Variants in ASAP1 observed in about 807,000 individuals in gnomAD.
ASAP1 encodes the protein ArfGAP with SH3 domain, ankyrin repeat and PH domain 1, also known as arf-GAP with SH3 domain, ANK repeat and PH domain-containing protein 1.
Under a neutral mutation model 145.2 loss-of-function variants are expected in ASAP1, and 43 were observed. The ratio of observed to expected loss-of-function variants is 0.30; its 90% CI spans 0.23 to 0.38. ASAP1 has a LOEUF of 0.38. Ranked by LOEUF, ASAP1 falls within the 10% of genes least tolerant of loss-of-function variation. ASAP1 has a pLI of 1.00. For missense variants in ASAP1, 1,018 were observed against 1,355.3 expected, an observed-to-expected ratio of 0.75 and a Z score of 3.91; for synonymous variants, 546 against 515.5, an observed-to-expected ratio of 1.06 and a Z score of -0.80.
chr8:130,362,843 C>A (rs1324936288), intron 2 of ASAP1, among the ~76,000 whole-genome samples: 72 of 151,918 alleles, frequency 4.7e-4, no homozygotes, highest in Non-Finnish European at 1.5e-4. Context: ...TAAGTTAAGA[C>A]CAACTCACTA....
At chr8:130,063,802 G>A (rs1369588926) in intron 27 of ASAP1, among the ~76,000 whole-genome samples, 7 of 152,208 alleles carry the variant, frequency 4.6e-5, no homozygotes, top group Non-Finnish European at 1.0e-4. Flanking sequence ...TGCTGGGCAT[G>A]TGCCGTGCCC....
chr8:130,396,586 TTACA>T (rs1328994180), intron 2 of ASAP1, among the ~76,000 whole-genome samples: 21 of 152,264 alleles, frequency 1.4e-4, no homozygotes, highest in Admixed American at 1.4e-3. Flanking sequence ...TCTTTTTCTT[TTACA>T]TCCAGAAATC....
intron 11 of ASAP1, chr8:130,163,103 CT>C (rs1031619979): frequency 6.0e-6 from 1 of 167,314 alleles, no homozygotes; most frequent in African/African-American, 2.4e-5. Context: ...CGCCTTTCCT[CT>C]ATCAGAGAAT....
At chr8:130,082,199 T>C (rs2097482094) in intron 25 of ASAP1, among the ~76,000 whole-genome samples, 1 of 152,214 alleles carries the variant, frequency 6.6e-6, no homozygotes, top group South Asian at 2.1e-4. Flanking sequence ...CTGGCATTAC[T>C]AGAAGAACCA....
intron 2 of ASAP1, among the ~76,000 whole-genome samples, chr8:130,379,954 T>A (rs1260634473): frequency 6.6e-6 from 1 of 152,178 alleles, no homozygotes; most frequent in African/African-American, 2.4e-5. Context: ...GTCTAGAGGC[T>A]GCAGGAGACT....
chr8:130,068,561 GAGT>G (rs2097435102), intron 27 of ASAP1, among the ~76,000 whole-genome samples: 1 of 152,192 alleles, frequency 6.6e-6, no homozygotes, highest in South Asian at 2.1e-4. Context: ...AAACACTACA[GAGT>G]AGAAGTACAT....
At chr8:130,313,055 G>A (rs1303813519) in intron 3 of ASAP1, among the ~76,000 whole-genome samples, 1 of 152,160 alleles carries the variant, frequency 6.6e-6, no homozygotes, top group Non-Finnish European at 1.5e-5. Context: ...GAACTGTTGG[G>A]TTTTTAATAC....
chr8:130,065,647 TG>T (rs1377431779), intron 27 of ASAP1, among the ~76,000 whole-genome samples: 3 of 152,192 alleles, frequency 2.0e-5, no homozygotes, highest in Non-Finnish European at 4.4e-5. Context: ...GGCCATTCCT[TG>T]GTTTTCAATC....
chr8:130,060,798 G>T lies in ASAP1; in HGVS notation c.2973C>A (p.Pro991=). 6.2e-7 allele frequency: 1 copy of T among 1,614,108 alleles called. No individual in the cohort carries two copies. Among genetic ancestry groups the T allele is most frequent in the South Asian group, 1.1e-5 (1 of 91,072 alleles). ...CTAGCAGGTCTCCCAGCTGTGGTTT[G>T]GGGGGCAGGTCCTTCATCTGTGGTT... ...PPKPQMKDLP[P]KPQLGDLLAK... is the part of the protein sequence containing the mutation. The change falls in exon 28 of 30, where the codon CCC becomes CCA. Residue 991 remains proline (P), a synonymous_variant. Coordinates refer to ENST00000518721, the MANE Select transcript of ASAP1 (RefSeq NM_018482.4).
chr8:130,240,337 C>T (rs1228779656), intron 3 of ASAP1, among the ~76,000 whole-genome samples: 3 of 151,876 alleles, frequency 2.0e-5, no homozygotes, highest in Non-Finnish European at 4.4e-5. Flanking sequence ...TGGCCACTGG[C>T]AAAAATAAGC....
chr8:130,239,478 C>T (rs887344163), intron 3 of ASAP1, among the ~76,000 whole-genome samples: 3 of 152,048 alleles, frequency 2.0e-5, no homozygotes, highest in African/African-American at 7.2e-5. Context: ...TCTTTGACAA[C>T]ACAGAGCCTT....
intron 2 of ASAP1, among the ~76,000 whole-genome samples, chr8:130,382,998 G>A (rs551257251): frequency 1.3e-5 from 2 of 152,336 alleles, no homozygotes; most frequent in South Asian, 4.1e-4. Flanking sequence ...TCCCAGCAGA[G>A]AGAACAGCAT....
At chr8:130,176,169 T>G (rs1441599022) in intron 9 of ASAP1, among the ~76,000 whole-genome samples, 1 of 152,222 alleles carries the variant, frequency 6.6e-6, no homozygotes, top group Non-Finnish European at 1.5e-5. Context: ...CACACGGAAG[T>G]GTCGTGACTA....
intron 3 of ASAP1, among the ~76,000 whole-genome samples, chr8:130,274,002 C>A (rs1820733917): frequency 6.6e-6 from 1 of 152,184 alleles, no homozygotes; most frequent in Non-Finnish European, 1.5e-5. Context: ...GAGTTCTAGC[C>A]TTGGCTCAGC....
intron 2 of ASAP1, among the ~76,000 whole-genome samples, chr8:130,361,506 G>T (rs559225090): frequency 1.9e-4 from 29 of 152,274 alleles, no homozygotes; most frequent in African/African-American, 6.7e-4. Context: ...GCCATCAATT[G>T]CTGTTTCAGT....
intron 3 of ASAP1, among the ~76,000 whole-genome samples, chr8:130,271,227 C>T (rs1012437795): frequency 3.3e-5 from 5 of 152,276 alleles, no homozygotes; most frequent in African/African-American, 1.2e-4. Context: ...TAACAAGTGC[C>T]TTAGACCCAG....
chr8:130,414,645 T>C (rs1015863430), intron 1 of ASAP1, among the ~76,000 whole-genome samples: 2 of 152,232 alleles, frequency 1.3e-5, no homozygotes, highest in African/African-American at 2.4e-5. Context: ...AGCCTCAAAA[T>C]ATTGCAAATG....
intron 3 of ASAP1, among the ~76,000 whole-genome samples, chr8:130,284,815 G>A (rs1273325475): frequency 2.0e-5 from 3 of 149,930 alleles, no homozygotes; most frequent in Non-Finnish European, 3.0e-5. Flanking sequence ...TCATGGGGTA[G>A]TAAAACCAAT....
chr8:130,187,186 CACA>C (rs1471633355), intron 7 of ASAP1, 47 bp downstream of exon 7: 17 of 1,485,556 alleles, frequency 1.1e-5, no homozygotes, highest in Middle Eastern at 1.8e-4. Context: ...GTCCAAAATT[CACA>C]ACAATATTAA....
Sources: gnomAD v4.1 joint callset for allele counts (sites outside exome capture counted in the v4.1 genomes callset) on GRCh38, gnomAD v4.1.1 for gene constraint, MANE v1.5 for transcripts, NCBI Gene and HGNC (gene_info 2026-07-23, HGNC 2026-07-21) for gene names.